PCDH19: variants seen among roughly 807,000 people sequenced by gnomAD.
PCDH19 encodes the protein protocadherin 19.
Under a neutral mutation model 46.2 loss-of-function variants are expected in PCDH19, and 6 were observed. That is an observed-to-expected ratio of 0.13 (90% CI 0.07 to 0.26). PCDH19 has a LOEUF of 0.26. Ranked by LOEUF, PCDH19 falls within the 10% of genes least tolerant of loss-of-function variation. PCDH19 has a pLI of 1.00. For missense variants in PCDH19, 740 were observed against 972.3 expected (o/e 0.76, Z 3.18); for synonymous variants, 481 against 415.7 (o/e 1.16, Z -1.91).
chrX:100,349,930 C>T (rs778789783), intron 4 of PCDH19, among the ~76,000 whole-genome samples: 1 of 112,474 alleles, frequency 8.9e-6, no homozygotes, highest in African/African-American at 3.2e-5. Flanking sequence ...GGATTCAGCT[C>T]TGTACTCACA....
rs756173536 is a variant in PCDH19, at chrX:100,296,542, G to T, written c.3182C>A (p.Ala1061Glu). 1 of 1,210,784 alleles carries T rather than the reference G, an allele frequency of 8.3e-7. No homozygotes were observed. The highest frequency in any genetic ancestry group is 3.0e-5 in the East Asian group (1 of 33,808). ...GAGGGGGGAGGTGACAGGGCTAATCGCCTCACAGCCATTGCCTGCCTCCCG... is the reference window on the plus strand; with the variant it reads ...GAGGGGGGAGGTGACAGGGCTAATCTCCTCACAGCCATTGCCTGCCTCCCG... The part of the protein sequence containing the change: ...VIREAGNGCE[A>E]ISPVTSPLHL... Residue 1061 changes from alanine (A) to glutamate (E), a missense_variant, in exon 6 of 6, where the codon GCG becomes GAG. By Grantham distance (107) the Ala-to-Glu change is moderately radical (BLOSUM62 -1). Coordinates refer to ENST00000373034, the MANE Select transcript of PCDH19 (RefSeq NM_001184880.2).
At position 100,292,228 on chromosome X, in the gene PCDH19, T is replaced by C. The variant is rs767039610; in HGVS notation, c.*4049A>G. 3.5e-5 allele frequency: 4 copies of C among 113,181 alleles called. No homozygotes were observed. The highest frequency in any genetic ancestry group is 7.5e-5 in the Non-Finnish European group (4 of 53,355). The allele number at this position is 113,181 out of a possible 1,213,427, so 9.3% of individuals were successfully genotyped here. On this transcript the variant is annotated 3_prime_UTR_variant, in exon 6 of 6. Coordinates refer to ENST00000373034, the MANE Select transcript of PCDH19 (RefSeq NM_001184880.2). ...TACTTAACCAGTGCTGTAATGGTGT[T>C]AGCTGGTTTGTTTGCTAAGGTTGAC...
At chrX:100,322,865 A>ATATATATATATATATTTTTTT in intron 5 of PCDH19, among the ~76,000 whole-genome samples, 8 of 54,414 alleles carry the variant, frequency 1.5e-4, no homozygotes, top group Non-Finnish European at 2.0e-4. Flanking sequence ...ATATATATAT[A>ATATATATATATATATTTTTTT]TTTTTGCAGC....
rs1196970218 is a variant in PCDH19, at chrX:100,292,396, C to T, written c.*3881G>A. The T allele has an allele frequency of 1.8e-5, 2 of 112,672 alleles. No individual in the cohort carries two copies. Among genetic ancestry groups the T allele is most frequent in the Non-Finnish European group, 3.8e-5 (2 of 53,320 alleles). The allele number at this position is 112,672 out of a possible 1,213,427, so 9.3% of individuals were successfully genotyped here. On this transcript the variant is annotated 3_prime_UTR_variant, in exon 6 of 6. Coordinates refer to ENST00000373034, the MANE Select transcript of PCDH19 (RefSeq NM_001184880.2). ...GTGGGTTATTCTTTACCAAGAGCGC[C>T]TTCCAATCTATGTATCAGACAAGGT...
chrX:100,338,341 C>CAAAAAA (rs1192568481), intron 5 of PCDH19, among the ~76,000 whole-genome samples: 2 of 36,027 alleles, frequency 5.6e-5, no homozygotes, highest in Non-Finnish European at 9.9e-5. Flanking sequence ...GACTCCGTCT[C>CAAAAAA]AAAAAAAAAA....
intron 5 of PCDH19, among the ~76,000 whole-genome samples, chrX:100,334,718 A>G (rs1283442353): frequency 9.4e-6 from 1 of 106,362 alleles, no homozygotes; most frequent in East Asian, 3.0e-4. Flanking sequence ...CTTTTTAGAG[A>G]CTCTCTGCAG....
chrX:100,372,793 G>A (rs1389482773), intron 3 of PCDH19, among the ~76,000 whole-genome samples: 1 of 112,098 alleles, frequency 8.9e-6, no homozygotes, highest in African/African-American at 3.2e-5. Flanking sequence ...TCAGAGACTT[G>A]AGGTTCAAGT....
intron 5 of PCDH19, among the ~76,000 whole-genome samples, chrX:100,329,257 T>A (rs1443401506): frequency 8.9e-6 from 1 of 112,445 alleles, no homozygotes; most frequent in African/African-American, 3.2e-5. Flanking sequence ...ACCTTCCAAA[T>A]TGACAGTTGG....
intron 3 of PCDH19, among the ~76,000 whole-genome samples, chrX:100,362,402 T>C (rs1215499132): frequency 1.8e-5 from 2 of 110,828 alleles, no homozygotes; most frequent in Non-Finnish European, 3.8e-5. Flanking sequence ...TATATACGTA[T>C]ATTATATATA....
At chrX:100,395,996 C>A (rs919030230) in intron 3 of PCDH19, among the ~76,000 whole-genome samples, 1 of 112,061 alleles carries the variant, frequency 8.9e-6, no homozygotes, top group Non-Finnish European at 1.9e-5. Flanking sequence ...AGAAATCAAG[C>A]CTCTTCTCCG....
chrX:100,314,728 T>G (rs984096929), intron 5 of PCDH19, among the ~76,000 whole-genome samples: 1 of 111,558 alleles, frequency 9.0e-6, no homozygotes, highest in African/African-American at 3.3e-5. Context: ...GCTCCCCCAG[T>G]GTATTTAAGA....
rs1276945298 is a variant in PCDH19, at chrX:100,362,628, C to T, written c.2617-11924G>A. 4.7e-5 allele frequency among the ~76,000 whole-genome samples: 5 copies of T among 106,690 alleles called. No homozygotes were observed. In the East Asian group the frequency reaches 1.5e-3, roughly 32 times the overall value. 92.6% of individuals were successfully genotyped at this position (106,690 alleles called of 115,157 possible). On this transcript the variant is annotated intron_variant, in intron 3 of 5. Coordinates refer to ENST00000373034, the MANE Select transcript of PCDH19 (RefSeq NM_001184880.2). ...CTAATACGGTGAAACCCCGTCTCTA[C>T]TAAAAATACAAAAAAAAAAATTAGC...
chrX:100,293,898 C>T lies in PCDH19; in HGVS notation c.*2379G>A, dbSNP rs1242511433. The stretch of plus-strand genomic sequence containing the variant: ...GGTAAGAGGCATGGCAGCCAGTGGC[C>T]TCTCTGGCTCAACAGCCACGTGACA... On this transcript the variant is annotated 3_prime_UTR_variant, in exon 6 of 6. Coordinates refer to ENST00000373034, the MANE Select transcript of PCDH19 (RefSeq NM_001184880.2). The T allele has an allele frequency of 8.9e-6, 1 of 111,799 alleles. No individual in the cohort carries two copies. The highest frequency in any genetic ancestry group is 1.9e-5 in the Non-Finnish European group (1 of 53,178). The allele number at this position is 111,799 out of a possible 1,213,427, so 9.2% of individuals were successfully genotyped here.
At chrX:100,341,836 G>A in intron 5 of PCDH19, 67 bp downstream of exon 5, 2 of 980,505 alleles carry the variant, frequency 2.0e-6, no homozygotes, top group Middle Eastern at 3.3e-4. Context: ...AAGTAGTATA[G>A]TGTGCCTACA....
intron 3 of PCDH19, among the ~76,000 whole-genome samples, chrX:100,396,754 G>A (rs1351036009): frequency 1.8e-5 from 2 of 112,189 alleles, no homozygotes; most frequent in African/African-American, 6.5e-5. Flanking sequence ...TGGGAAACCG[G>A]CTGTCTCAGC....
At chrX:100,318,203 A>T (rs1245128067) in intron 5 of PCDH19, among the ~76,000 whole-genome samples, 4 of 111,974 alleles carry the variant, frequency 3.6e-5, no homozygotes, top group Non-Finnish European at 5.6e-5. Context: ...TCTAAGACTT[A>T]ACAGCCCTAT....
chrX:100,370,675 C>T (rs1267059672), intron 3 of PCDH19, among the ~76,000 whole-genome samples: 1 of 111,847 alleles, frequency 8.9e-6, no homozygotes, highest in Non-Finnish European at 1.9e-5. Context: ...TTTTATGCAG[C>T]CAAAGTACCA....
intron 5 of PCDH19, among the ~76,000 whole-genome samples, chrX:100,329,955 G>C (rs1414276482): frequency 8.9e-6 from 1 of 111,790 alleles, no homozygotes; most frequent in Non-Finnish European, 1.9e-5. Flanking sequence ...GGCTAGTGAT[G>C]GTAATAATAA....
At chrX:100,365,133 T>C (rs1369421669) in intron 3 of PCDH19, among the ~76,000 whole-genome samples, 3 of 111,762 alleles carry the variant, frequency 2.7e-5, no homozygotes. Context: ...TAGCAATTGT[T>C]TTTTTTTACA....
Sources: allele counts gnomAD v4.1 joint callset (sites outside exome capture counted in the v4.1 genomes callset), GRCh38; gene constraint gnomAD v4.1.1; transcripts MANE v1.5; gene names NCBI Gene and HGNC (gene_info 2026-07-23, HGNC 2026-07-21).